Variants in CBLB observed in about 807,000 individuals in gnomAD.
The protein encoded by CBLB is Cbl proto-oncogene B.
CBLB carries 31 observed loss-of-function variants against 104.9 expected under a neutral mutation model. The ratio of observed to expected loss-of-function variants is 0.30; its 90% CI spans 0.22 to 0.40. The LOEUF (loss-of-function observed/expected upper bound fraction) is 0.40, where lower values mean the gene tolerates loss of function less well. CBLB is among the 10% of genes least tolerant of loss of function. The pLI, the probability that CBLB is intolerant of heterozygous loss-of-function variation, is 1.00. For synonymous variants in CBLB, 440 were observed against 422.6 expected (o/e 1.04, Z -0.51); for missense variants, 1,062 against 1,214.6 (o/e 0.87, Z 1.87).
rs1553794734 is a variant in CBLB, at chr3:105,786,065, G to GGGA, written c.420-9524_420-9523insTCC. Among the ~76,000 whole-genome samples the GGGA allele has an allele frequency of 6.5e-5, 9 of 139,188 alleles. 1 individual carries two copies. The highest frequency in any genetic ancestry group is 1.4e-4 in the Non-Finnish European group (9 of 64,504). The allele number at this position is 139,188 out of a possible 152,430, so 91.3% of individuals were successfully genotyped here. On this transcript the variant is annotated intron_variant, in intron 3 of 18. Coordinates refer to ENST00000394030, the MANE Select transcript of CBLB (RefSeq NM_170662.5). ...CATAACACTGTGTGAGAGGATCGGGGGGGGGAAAGTGGGTAAAATGAAAGT... is the reference window on the plus strand; with the variant it reads ...CATAACACTGTGTGAGAGGATCGGGGGGAGGGGGAAAGTGGGTAAAATGAAAGT...
chr3:105,843,179 C>A (rs759879204), intron 3 of CBLB, among the ~76,000 whole-genome samples: 90 of 152,308 alleles, frequency 5.9e-4, no homozygotes, highest in African/African-American at 2.1e-3. Flanking sequence ...AGTTTGCTGA[C>A]CCATGGTTTA....
intron 3 of CBLB, among the ~76,000 whole-genome samples, chr3:105,822,779 C>A (rs1174817766): frequency 6.6e-6 from 1 of 152,160 alleles, no homozygotes; most frequent in Non-Finnish European, 1.5e-5. Flanking sequence ...ACTTCTCACC[C>A]AGTAGCACTG....
chr3:105,816,865 A>G (rs534013919), intron 3 of CBLB, among the ~76,000 whole-genome samples: 51 of 152,138 alleles, frequency 3.4e-4, no homozygotes, highest in African/African-American at 1.2e-3. Context: ...CTTTAGTGAC[A>G]ACTCCACCAC....
chr3:105,664,146 T>C (rs988916992), intron 18 of CBLB, among the ~76,000 whole-genome samples: 1 of 152,162 alleles, frequency 6.6e-6, no homozygotes, highest in African/African-American at 2.4e-5. Flanking sequence ...TGCTATTGTA[T>C]TGATGAATAC....
At chr3:105,724,809 C>G (rs2073374726) in intron 9 of CBLB, among the ~76,000 whole-genome samples, 1 of 152,068 alleles carries the variant, frequency 6.6e-6, no homozygotes, top group South Asian at 2.1e-4. Context: ...CTGTTGTAAG[C>G]ACTCTCTAAA....
At chr3:105,842,539 C>A (rs1170799320) in intron 3 of CBLB, among the ~76,000 whole-genome samples, 1 of 152,154 alleles carries the variant, frequency 6.6e-6, no homozygotes, top group Non-Finnish European at 1.5e-5. Context: ...TTTCAATATA[C>A]CGCTACCTTT....
chr3:105,841,997 G>T (rs1362102807), intron 3 of CBLB, among the ~76,000 whole-genome samples: 2 of 151,518 alleles, frequency 1.3e-5, no homozygotes, highest in Non-Finnish European at 2.9e-5. Context: ...TAGATAATAG[G>T]GACAGTGTTT....
chr3:105,763,149 T>A (rs2077830581), intron 4 of CBLB, among the ~76,000 whole-genome samples: 1 of 152,180 alleles, frequency 6.6e-6, no homozygotes, highest in Non-Finnish European at 1.5e-5. Context: ...AGTGCCTGTA[T>A]CCCCATTGTA....
Position 105,657,299 on chromosome 3 carries a change from G to C in CBLB, c.*1671C>G, listed in dbSNP as rs574603726. On this transcript the variant is annotated 3_prime_UTR_variant, in exon 19 of 19. Coordinates refer to ENST00000394030, the MANE Select transcript of CBLB (RefSeq NM_170662.5). The stretch of plus-strand genomic sequence containing the variant: ...CCTGAAGGCAGGCTCACTCTCTGAT[G>C]CATCTTTTTATATCATGGTGGGTGT... 1 of 219,504 alleles carries C rather than the reference G, an allele frequency of 4.6e-6. No homozygotes were observed. The highest frequency in any genetic ancestry group is 1.9e-4 in the South Asian group (1 of 5,390). The allele number at this position is 219,504 out of a possible 1,614,324, so 13.6% of individuals were successfully genotyped here. A position where few individuals can be genotyped will look rare whatever the true frequency, so the allele number is the denominator to read the frequency against.
chr3:105,774,489 A>G (rs1260117396), intron 4 of CBLB, among the ~76,000 whole-genome samples: 1 of 152,244 alleles, frequency 6.6e-6, no homozygotes, highest in Non-Finnish European at 1.5e-5. Context: ...TCATCCACAA[A>G]TTAAAAGTGT....
intron 3 of CBLB, among the ~76,000 whole-genome samples, chr3:105,786,066 G>GGGGA (rs1553794756): frequency 6.9e-6 from 1 of 145,662 alleles, no homozygotes; most frequent in South Asian, 2.2e-4. Context: ...AGGATCGGGG[G>GGGGA]GGGGAAAGTG....
chr3:105,761,497 G>A (rs2077626031), intron 4 of CBLB, among the ~76,000 whole-genome samples: 1 of 152,140 alleles, frequency 6.6e-6, no homozygotes, highest in African/African-American at 2.4e-5. Flanking sequence ...TAGTAAATAA[G>A]CCACATGAGA....
At chr3:105,782,585 T>C (rs1378184477) in intron 3 of CBLB, among the ~76,000 whole-genome samples, 5 of 99,724 alleles carry the variant, frequency 5.0e-5, no homozygotes, top group African/African-American at 8.2e-5. Context: ...TTTCTTTTTT[T>C]TTTTTTTTTT....
intron 10 of CBLB, among the ~76,000 whole-genome samples, chr3:105,714,460 T>C (rs2071549319): frequency 6.6e-6 from 1 of 152,174 alleles, no homozygotes; most frequent in Non-Finnish European, 1.5e-5. Flanking sequence ...CAGTCCCATC[T>C]AGGGGTGATG....
chr3:105,694,144 T>G (rs2068050193), intron 12 of CBLB, among the ~76,000 whole-genome samples: 3 of 151,924 alleles, frequency 2.0e-5, no homozygotes, highest in Admixed American at 2.0e-4. Flanking sequence ...GCTTTCCAAG[T>G]GCAGGCAAAT....
At chr3:105,706,341 C>CT (rs2070131803) in intron 10 of CBLB, among the ~76,000 whole-genome samples, 1 of 152,174 alleles carries the variant, frequency 6.6e-6, no homozygotes, top group African/African-American at 2.4e-5. Context: ...ATTAATGATT[C>CT]TTTTTCATTT....
intron 5 of CBLB, among the ~76,000 whole-genome samples, chr3:105,748,970 G>A (rs1043435722): frequency 2.0e-5 from 3 of 152,172 alleles, no homozygotes; most frequent in South Asian, 2.1e-4. Flanking sequence ...TAATATCATG[G>A]CTATAGCTGA....
chr3:105,717,981 G>C (rs2072168290), intron 10 of CBLB, among the ~76,000 whole-genome samples: 1 of 152,098 alleles, frequency 6.6e-6, no homozygotes, highest in Non-Finnish European at 1.5e-5. Context: ...GTTTTACGAA[G>C]GGGTAAACTG....
chr3:105,847,613 C>CTG (rs1553858224), intron 3 of CBLB, among the ~76,000 whole-genome samples: 1 of 151,674 alleles, frequency 6.6e-6, no homozygotes, highest in Non-Finnish European at 1.5e-5. Flanking sequence ...CCTCAGTTGA[C>CTG]TTTTTTTCCA....
Sources: allele counts gnomAD v4.1 joint callset (sites outside exome capture counted in the v4.1 genomes callset), GRCh38; gene constraint gnomAD v4.1.1; transcripts MANE v1.5; gene names NCBI Gene and HGNC (gene_info 2026-07-23, HGNC 2026-07-21).